The following ZNF670 variants were observed in gnomAD, a reference collection of about 807,000 sequenced individuals.
ZNF670 encodes the protein zinc finger protein 670.
In ZNF670, 7 loss-of-function variants were observed where a neutral mutation model predicts 10.9. The ratio of observed to expected loss-of-function variants is 0.64; its 90% CI spans 0.36 to 1.20. The LOEUF (loss-of-function observed/expected upper bound fraction) is 1.20, where lower values mean the gene tolerates loss of function less well. Among genes scored for constraint, ZNF670 ranks in the 50% most tolerant of loss-of-function variants. The probability of loss-of-function intolerance (pLI) is 0.02; values close to 1 mark genes in which losing one functional copy is unlikely to be tolerated. For missense variants in ZNF670, 446 were observed against 458.6 expected (o/e 0.97, Z 0.25); for synonymous variants, 136 against 152.7 (o/e 0.89, Z 0.81).
At chr1:247,038,721 TG>T (rs1199779934) in intron 3 of ZNF670, 88 bp downstream of exon 3, 1 of 1,178,712 alleles carries the variant, frequency 8.5e-7, no homozygotes, top group African/African-American at 1.5e-5. Context: ...AAATTTCTAG[TG>T]GTTCTTAGTT....
At chr1:247,039,758 C>A (rs550603096) in intron 1 of ZNF670, among the ~76,000 whole-genome samples, 42 of 152,332 alleles carry the variant, frequency 2.8e-4, no homozygotes, top group Non-Finnish European at 5.3e-4. Flanking sequence ...AGAGTAGGAA[C>A]ACCTGTCTCA....
intron 1 of ZNF670, among the ~76,000 whole-genome samples, chr1:247,050,274 G>C (rs1264062265): frequency 6.6e-6 from 1 of 152,098 alleles, no homozygotes. Context: ...ATTACATAAT[G>C]CTCCTCTTTC....
rs1329175578 is a variant in ZNF670, at chr1:247,035,195, G to A, written c.*2254C>T. Among the ~76,000 whole-genome samples the A allele has an allele frequency of 6.6e-6, 1 of 152,214 alleles. No homozygotes were observed. The highest frequency in any genetic ancestry group is 2.4e-5 in the African/African-American group (1 of 41,440). On this transcript the variant is annotated 3_prime_UTR_variant, in exon 4 of 4. Transcript: ENST00000366503. ...GTTCATTCTGTTGGTAATGCCAATTGTTTTCACAGTCTCATGGGTGACAGG... is the reference window on the plus strand; with the variant it reads ...GTTCATTCTGTTGGTAATGCCAATTATTTTCACAGTCTCATGGGTGACAGG...
At chr1:247,040,867 G>A (rs1213705242) in intron 1 of ZNF670, among the ~76,000 whole-genome samples, 1 of 151,980 alleles carries the variant, frequency 6.6e-6, no homozygotes, top group Admixed American at 6.6e-5. Context: ...AGCTGATTTT[G>A]TATTTTTAGT....
intron 1 of ZNF670, among the ~76,000 whole-genome samples, chr1:247,076,940 C>T (rs756228588): frequency 9.8e-5 from 15 of 152,366 alleles, no homozygotes; most frequent in Middle Eastern, 3.4e-3. Flanking sequence ...GGATTACAGG[C>T]GTGGGCCACC....
intron 1 of ZNF670, among the ~76,000 whole-genome samples, chr1:247,069,668 A>C (rs1671071180): frequency 1.3e-5 from 2 of 152,224 alleles, no homozygotes; most frequent in Non-Finnish European, 2.9e-5. Context: ...GCCATAAGAA[A>C]GCATGAGAGC....
At chr1:247,048,271 G>A (rs923500498) in intron 1 of ZNF670, among the ~76,000 whole-genome samples, 1 of 152,144 alleles carries the variant, frequency 6.6e-6, no homozygotes, top group African/African-American at 2.4e-5. Context: ...CAATTTCAAA[G>A]TTCTGCAGAT....
chr1:247,037,860 A>G lies in ZNF670; in HGVS notation c.759T>C (p.Tyr253=), dbSNP rs769174733. 6.2e-6 allele frequency: 10 copies of G among 1,613,534 alleles called. No homozygotes were observed. The highest frequency in any genetic ancestry group is 1.3e-5 in the African/African-American group (1 of 74,878). ...AGGCTTTGCCACATTCCTTACATTC[A>G]TAGGGTTTCTCTCCAGTATGAGATC... ...HERSHTGEKP[Y]ECKECGKAFS... The change falls in exon 4 of 4, where the codon TAT becomes TAC. Residue 253 remains tyrosine, a synonymous_variant. Transcript: ENST00000366503.
intron 1 of ZNF670, among the ~76,000 whole-genome samples, chr1:247,077,285 C>T (rs942686856): frequency 2.0e-5 from 3 of 152,132 alleles, no homozygotes; most frequent in Admixed American, 2.0e-4. Flanking sequence ...GGCTCTACTT[C>T]CATATTTTAA....
intron 1 of ZNF670, among the ~76,000 whole-genome samples, chr1:247,074,760 T>C (rs1207654587): frequency 6.6e-6 from 1 of 152,076 alleles, no homozygotes; most frequent in Admixed American, 6.6e-5. Flanking sequence ...CCACCACTGA[T>C]CTGACAGGAG....
intron 1 of ZNF670, among the ~76,000 whole-genome samples, chr1:247,061,909 G>C (rs1572567631): frequency 1.3e-5 from 2 of 152,130 alleles, no homozygotes; most frequent in South Asian, 4.1e-4. Context: ...AAATGATAAG[G>C]GTGATCTAAG....
At chr1:247,075,996 T>C (rs193036294) in intron 1 of ZNF670, among the ~76,000 whole-genome samples, 20 of 151,368 alleles carry the variant, frequency 1.3e-4, no homozygotes, top group African/African-American at 4.6e-4. Flanking sequence ...TTTGGAAATA[T>C]TTTTTTTTAA....
chr1:247,037,820 A>T lies in ZNF670; in HGVS notation c.799T>A (p.Tyr267Asn), dbSNP rs1290186914. Residue 267 changes from tyrosine (Y) to asparagine (N), a missense_variant, in exon 4 of 4, where the codon TAC (tyrosine) becomes AAC (asparagine). Transcript: ENST00000366503. ...ECGKAFSRST[Y>N]LGIHERTHTG... Reference sequence around the variant, plus strand: ...TGCGTTCTTTCATGTATTCCCAAGTAAGTGGAACGACTGAAGGCTTTGCCA... The same window carrying T: ...TGCGTTCTTTCATGTATTCCCAAGTTAGTGGAACGACTGAAGGCTTTGCCA... 3 of 1,613,210 alleles carry T rather than the reference A, an allele frequency of 1.9e-6. No homozygotes were observed. The South Asian group carries it at 3.3e-5, about 18-fold the overall frequency.
intron 1 of ZNF670, among the ~76,000 whole-genome samples, chr1:247,057,106 A>T (rs1240094809): frequency 6.6e-6 from 1 of 152,262 alleles, no homozygotes; most frequent in East Asian, 1.9e-4. Flanking sequence ...TCATCTGACA[A>T]GAGATTAATA....
At chr1:247,048,132 TAA>T (rs1389049215) in intron 1 of ZNF670, among the ~76,000 whole-genome samples, 3 of 152,214 alleles carry the variant, frequency 2.0e-5, no homozygotes, top group East Asian at 1.9e-4. Flanking sequence ...CTTTTAAACA[TAA>T]GTTTCAATTA....
chr1:247,060,004 T>G (rs1470571173), intron 1 of ZNF670, among the ~76,000 whole-genome samples: 2 of 152,194 alleles, frequency 1.3e-5, no homozygotes, highest in African/African-American at 2.4e-5. Context: ...TGGAGAGATA[T>G]TCCACGTCCA....
At chr1:247,046,084 C>G (rs1460625021) in intron 1 of ZNF670, among the ~76,000 whole-genome samples, 2 of 151,082 alleles carry the variant, frequency 1.3e-5, no homozygotes, top group Non-Finnish European at 3.0e-5. Flanking sequence ...CGCTTCTTTG[C>G]CCCCACAATC....
At chr1:247,063,948 C>G (rs151262837) in intron 1 of ZNF670, among the ~76,000 whole-genome samples, 193 of 152,310 alleles carry the variant, frequency 1.3e-3, no homozygotes, top group Middle Eastern at 3.4e-3. Flanking sequence ...CACAGCCTCA[C>G]CCTGCACTGA....
At chr1:247,043,043 C>T in intron 1 of ZNF670, 1 of 1,023,650 alleles carries the variant, frequency 9.8e-7, no homozygotes, top group Non-Finnish European at 1.5e-6. Flanking sequence ...GCAGTATATT[C>T]CCACAGACCC....
Sources: gnomAD v4.1 joint callset for allele counts (sites outside exome capture counted in the v4.1 genomes callset) on GRCh38, gnomAD v4.1.1 for gene constraint, MANE v1.5 for transcripts, NCBI Gene and HGNC (gene_info 2026-07-23, HGNC 2026-07-21) for gene names.